The following COL26A1 variants were observed in gnomAD, a reference collection of about 807,000 sequenced individuals.
COL26A1 encodes collagen alpha-1(XXVI) chain.
COL26A1 carries 41 observed loss-of-function variants against 59.3 expected under a neutral mutation model. That is an observed-to-expected ratio of 0.69 (90% CI 0.54 to 0.90). The LOEUF is 0.90. COL26A1 is among the 40% of genes least tolerant of loss of function. The probability of loss-of-function intolerance (pLI) is 0.00; values close to 1 mark genes in which losing one functional copy is unlikely to be tolerated. For synonymous variants in COL26A1, 266 were observed against 256.0 expected (o/e 1.04, Z -0.37); for missense variants, 612 against 602.3 (o/e 1.02, Z -0.17).
chr7:101,406,528 G>C (rs1412154662), intron 1 of COL26A1, among the ~76,000 whole-genome samples: 1 of 152,160 alleles, frequency 6.6e-6, no homozygotes, highest in Admixed American at 6.6e-5. Context: ...CTGTTGGGGG[G>C]CTATGGCCAT....
intron 3 of COL26A1, among the ~76,000 whole-genome samples, chr7:101,503,678 A>G (rs1283302120): frequency 6.6e-6 from 1 of 152,098 alleles, no homozygotes; most frequent in African/African-American, 2.4e-5. Context: ...CACTGTGCCC[A>G]GCTAAGGGTC....
intron 1 of COL26A1, among the ~76,000 whole-genome samples, chr7:101,414,257 A>C (rs956722794): frequency 2.0e-5 from 3 of 152,262 alleles, no homozygotes; most frequent in Non-Finnish European, 2.9e-5. Flanking sequence ...TCCAATTCAC[A>C]GCTCATTTCT....
At chr7:101,464,862 C>T (rs113759300) in intron 3 of COL26A1, among the ~76,000 whole-genome samples, 13,026 of 151,598 alleles carry the variant, frequency 0.086, 659 homozygotes, top group Middle Eastern at 0.13. Context: ...CAGGTACACA[C>T]CACCATGCCC....
intron 1 of COL26A1, among the ~76,000 whole-genome samples, chr7:101,405,377 A>G (rs1050438880): frequency 6.6e-5 from 10 of 151,718 alleles, no homozygotes; most frequent in African/African-American, 2.4e-4. Flanking sequence ...TGTATCACCC[A>G]GGCCAGATCG....
At chr7:101,386,780 G>T (rs964877925) in intron 1 of COL26A1, among the ~76,000 whole-genome samples, 1 of 152,298 alleles carries the variant, frequency 6.6e-6, no homozygotes, top group East Asian at 1.9e-4. Flanking sequence ...CAGGGAGCAC[G>T]GTGGACCCAG....
intron 3 of COL26A1, among the ~76,000 whole-genome samples, chr7:101,458,481 CA>C (rs143058169): frequency 0.26 from 39,858 of 151,446 alleles, 5,634 homozygotes; most frequent in Middle Eastern, 0.33. Flanking sequence ...ACTAAAAATC[CA>C]AAAAAACTAG....
chr7:101,458,804 CTT>C (rs35208249), intron 3 of COL26A1, among the ~76,000 whole-genome samples: 24 of 140,368 alleles, frequency 1.7e-4, no homozygotes, highest in Non-Finnish European at 2.0e-4. Context: ...AAACCTGGGT[CTT>C]TTTTTTTTTT....
intron 1 of COL26A1, among the ~76,000 whole-genome samples, chr7:101,398,421 C>T (rs1000308534): frequency 1.3e-4 from 20 of 152,242 alleles, no homozygotes; most frequent in Non-Finnish European, 2.5e-4. Flanking sequence ...GGCAGAAATA[C>T]GAACTCCTGA....
chr7:101,485,147 C>T (rs528209022), intron 3 of COL26A1, among the ~76,000 whole-genome samples: 7 of 152,298 alleles, frequency 4.6e-5, no homozygotes, highest in Non-Finnish European at 7.4e-5. Flanking sequence ...CCACCATGCC[C>T]GGCCTCACAT....
chr7:101,487,394 T>C (rs115973773), intron 3 of COL26A1, among the ~76,000 whole-genome samples: 3,119 of 152,202 alleles, frequency 0.02, 113 homozygotes, highest in African/African-American at 0.071. Flanking sequence ...TCACCCCGTG[T>C]CAGCACCAAG....
At chr7:101,430,303 C>T (rs1350130882) in intron 2 of COL26A1, among the ~76,000 whole-genome samples, 1 of 151,712 alleles carries the variant, frequency 6.6e-6, no homozygotes, top group Non-Finnish European at 1.5e-5. Context: ...TTCTTTCTTT[C>T]GACGGAGTCT....
chr7:101,463,737 C>G (rs1290191279), intron 3 of COL26A1, among the ~76,000 whole-genome samples: 3 of 106,380 alleles, frequency 2.8e-5, no homozygotes, highest in African/African-American at 7.4e-5. Flanking sequence ...CTCTCTCCCC[C>G]CTCCCTTCCT....
chr7:101,397,272 A>G lies in COL26A1; in HGVS notation c.159-22705A>G, dbSNP rs567830174. 2.0e-5 allele frequency among the ~76,000 whole-genome samples: 3 copies of G among 152,274 alleles called. No individual in the cohort carries two copies. In the East Asian group the frequency reaches 5.8e-4, roughly 29 times the overall value. ...GTCTCCTTTTCAGCTGTCTCAGGCC[A>G]GTAAGTGTCTCAGGATCTGGTGCTT... On this transcript the variant is annotated intron_variant, in intron 1 of 12. Coordinates refer to ENST00000313669, the MANE Select transcript of COL26A1 (RefSeq NM_001278563.3).
intron 3 of COL26A1, among the ~76,000 whole-genome samples, chr7:101,466,277 A>G (rs1793755680): frequency 6.6e-6 from 1 of 152,130 alleles, no homozygotes; most frequent in African/African-American, 2.4e-5. Context: ...AATTGTCAAT[A>G]TATTGTATAT....
chr7:101,549,323 C>A, intron 9 of COL26A1, 100 bp downstream of exon 9: 1 of 739,706 alleles, frequency 1.4e-6, no homozygotes, highest in Non-Finnish European at 2.3e-6. Flanking sequence ...CAGCAAGAGT[C>A]ACTCAGGAAG....
At chr7:101,505,028 G>A (rs1459099333) in intron 3 of COL26A1, among the ~76,000 whole-genome samples, 11 of 152,144 alleles carry the variant, frequency 7.2e-5, no homozygotes, top group African/African-American at 2.7e-4. Context: ...GGTGGCGAAC[G>A]CCTGTAATCC....
chr7:101,385,706 A>G (rs374320107), intron 1 of COL26A1, among the ~76,000 whole-genome samples: 35 of 148,612 alleles, frequency 2.4e-4, no homozygotes, highest in Non-Finnish European at 3.9e-4. Flanking sequence ...TAATTTTTTA[A>G]TTTATTTGTT....
chr7:101,553,204 G>A (rs953715994), intron 10 of COL26A1, 122 bp from the exon 11 acceptor site: 48 of 836,256 alleles, frequency 5.7e-5, no homozygotes, highest in African/African-American at 3.9e-4. Context: ...CCCAGCACCC[G>A]TTTCCCAGGC....
chr7:101,532,084 TC>T (rs1369972075), intron 3 of COL26A1, among the ~76,000 whole-genome samples: 4 of 152,068 alleles, frequency 2.6e-5, no homozygotes, highest in Non-Finnish European at 5.9e-5. Flanking sequence ...CAATAAAAGC[TC>T]TTTAGAACAG....
Sources: allele counts gnomAD v4.1 joint callset (sites outside exome capture counted in the v4.1 genomes callset), GRCh38; gene constraint gnomAD v4.1.1; transcripts MANE v1.5; gene names NCBI Gene and HGNC (gene_info 2026-07-23, HGNC 2026-07-21).